ASTN2: variants seen among roughly 807,000 people sequenced by gnomAD.
The protein encoded by ASTN2 is astrotactin 2, also known as astrotactin-2.
Under a neutral mutation model 139.8 loss-of-function variants are expected in ASTN2, and 54 were observed. The observed-to-expected ratio is 0.39, with a 90% CI of 0.31 to 0.48. The LOEUF (loss-of-function observed/expected upper bound fraction) is 0.48, where lower values mean the gene tolerates loss of function less well. Ranked by LOEUF, ASTN2 falls within the 20% of genes least tolerant of loss-of-function variation. The pLI is 0.95. For synonymous variants in ASTN2, 756 were observed against 719.5 expected, an observed-to-expected ratio of 1.05 and a Z score of -0.81; for missense variants, 1,565 against 1,725.1, an observed-to-expected ratio of 0.91 and a Z score of 1.64.
intron 1 of ASTN2, among the ~76,000 whole-genome samples, chr9:117,304,075 A>C (rs1387482546): frequency 6.6e-6 from 1 of 152,194 alleles, no homozygotes; most frequent in Non-Finnish European, 1.5e-5. Flanking sequence ...GCTGCTAGCA[A>C]ACCTGCCGGC....
intron 16 of ASTN2, among the ~76,000 whole-genome samples, chr9:116,707,663 T>G (rs758122534): frequency 2.0e-5 from 3 of 152,178 alleles, no homozygotes; most frequent in Non-Finnish European, 4.4e-5. Flanking sequence ...AAAGAATTTT[T>G]GCAACAACAA....
In ASTN2 at chr9:117,050,310, T is replaced by C. The variant is rs1460540899; in HGVS notation, c.1277-10345A>G. Among the ~76,000 whole-genome samples the C allele has an allele frequency of 2.0e-5, 3 of 152,172 alleles. 1 individual carries two copies. The highest frequency in any genetic ancestry group is 4.4e-5 in the Non-Finnish European group (3 of 68,026). ...AGCTCCTTTGAAAGTCCCTGTTCCA[T>C]TATCTTGGAAGATGTCAGTGGACTT... On this transcript the variant is annotated intron_variant, in intron 5 of 22. Transcript: ENST00000313400.
chr9:116,803,495 TATATATATATATATATATATATATA>T (rs1380695714), intron 13 of ASTN2, among the ~76,000 whole-genome samples: 1 of 6,930 alleles, frequency 1.4e-4, no homozygotes, highest in Non-Finnish European at 3.0e-4. Flanking sequence ...TATATATATA[TATATATATATATATATATATATATA>T]TATTTTTTTT....
intron 20 of ASTN2, among the ~76,000 whole-genome samples, chr9:116,483,399 T>C (rs984514031): frequency 6.6e-6 from 1 of 152,084 alleles, no homozygotes; most frequent in Non-Finnish European, 1.5e-5. Flanking sequence ...TAAATTTACA[T>C]GGATGGAGGG....
At chr9:117,069,103 G>A (rs1411377927) in intron 5 of ASTN2, among the ~76,000 whole-genome samples, 3 of 82,564 alleles carry the variant, frequency 3.6e-5, no homozygotes, top group Non-Finnish European at 7.4e-5. Context: ...GTGATGTTAG[G>A]GTGTCAATTT....
intron 1 of ASTN2, among the ~76,000 whole-genome samples, chr9:117,344,030 C>T (rs1203428546): frequency 6.6e-6 from 1 of 152,020 alleles, no homozygotes; most frequent in East Asian, 1.9e-4. Context: ...AGATGTTACT[C>T]CAAAAATTCC....
chr9:117,399,838 A>G (rs1016344179), intron 1 of ASTN2, among the ~76,000 whole-genome samples: 23 of 152,234 alleles, frequency 1.5e-4, no homozygotes, highest in African/African-American at 5.5e-4. Flanking sequence ...GCTAATCCCA[A>G]TTGACTGGAA....
intron 1 of ASTN2, among the ~76,000 whole-genome samples, chr9:117,383,881 C>T (rs1238181583): frequency 6.6e-6 from 1 of 152,152 alleles, no homozygotes; most frequent in Non-Finnish European, 1.5e-5. Context: ...TCCAGCTGCT[C>T]AGATGTTCCT....
At chr9:117,299,704 C>T (rs1834829285) in intron 1 of ASTN2, among the ~76,000 whole-genome samples, 2 of 152,128 alleles carry the variant, frequency 1.3e-5, no homozygotes, top group Admixed American at 1.3e-4. Context: ...CTTGGGGCTC[C>T]TTTATGCAAT....
chr9:116,644,023 A>G (rs1857468627), intron 17 of ASTN2, among the ~76,000 whole-genome samples: 1 of 152,136 alleles, frequency 6.6e-6, no homozygotes, highest in Non-Finnish European at 1.5e-5. Flanking sequence ...TAGGCAACCA[A>G]TGCAAGATAA....
intron 3 of ASTN2, among the ~76,000 whole-genome samples, chr9:117,189,447 A>G (rs571039085): frequency 4.3e-4 from 66 of 152,286 alleles, no homozygotes; most frequent in African/African-American, 1.6e-3. Context: ...CAAACGCTGC[A>G]TCCCCCATAC....
At chr9:117,339,590 G>A (rs191675369) in intron 1 of ASTN2, among the ~76,000 whole-genome samples, 1 of 152,256 alleles carries the variant, frequency 6.6e-6, no homozygotes, top group East Asian at 1.9e-4. Flanking sequence ...AACTTTTTCT[G>A]TTAAGAAGCA....
At chr9:116,774,456 A>G (rs1264172430) in intron 13 of ASTN2, among the ~76,000 whole-genome samples, 1 of 152,084 alleles carries the variant, frequency 6.6e-6, no homozygotes. Context: ...TAATAATAGC[A>G]CCCAACATTT....
intron 1 of ASTN2, among the ~76,000 whole-genome samples, chr9:117,305,873 G>A (rs1276703724): frequency 6.6e-6 from 1 of 152,212 alleles, no homozygotes; most frequent in Non-Finnish European, 1.5e-5. Context: ...ACAAGAACCA[G>A]CACATGTCTG....
At chr9:116,924,681 T>C (rs2132441532) in intron 10 of ASTN2, among the ~76,000 whole-genome samples, 1 of 152,224 alleles carries the variant, frequency 6.6e-6, no homozygotes, top group South Asian at 2.1e-4. Flanking sequence ...TGGGAGTGCC[T>C]CTTAGGATGC....
intron 10 of ASTN2, among the ~76,000 whole-genome samples, chr9:116,973,951 G>A (rs1836277414): frequency 6.6e-6 from 1 of 152,208 alleles, no homozygotes; most frequent in Non-Finnish European, 1.5e-5. Context: ...ACATCTTAAA[G>A]TAAGAGAGTT....
At chr9:116,515,429 G>T (rs1270927068) in intron 19 of ASTN2, among the ~76,000 whole-genome samples, 1 of 152,146 alleles carries the variant, frequency 6.6e-6, no homozygotes, top group Admixed American at 6.5e-5. Context: ...GTCCATTTCT[G>T]CTACTGAAAG....
chr9:116,642,937 T>C (rs1316868621), intron 17 of ASTN2, among the ~76,000 whole-genome samples: 5 of 152,178 alleles, frequency 3.3e-5, no homozygotes, highest in African/African-American at 4.8e-5. Flanking sequence ...TACCAAATCT[T>C]TCAGGCCTGT....
intron 13 of ASTN2, among the ~76,000 whole-genome samples, chr9:116,746,864 C>T (rs1200120555): frequency 6.6e-6 from 1 of 152,188 alleles, no homozygotes; most frequent in African/African-American, 2.4e-5. Flanking sequence ...GTCTTATTCA[C>T]TGCTGTGCAC....
Sources: gnomAD v4.1 joint callset for allele counts (sites outside exome capture counted in the v4.1 genomes callset) on GRCh38, gnomAD v4.1.1 for gene constraint, MANE v1.5 for transcripts, NCBI Gene and HGNC (gene_info 2026-07-23, HGNC 2026-07-21) for gene names.